The following COL13A1 variants were observed in gnomAD, a reference collection of about 807,000 sequenced individuals.
COL13A1 encodes collagen type XIII alpha 1 chain, also known as collagen alpha-1(XIII) chain.
A neutral mutation model predicts 130.9 loss-of-function variants in COL13A1; 89 were observed. The ratio of observed to expected loss-of-function variants is 0.68; its 90% CI spans 0.57 to 0.81. The LOEUF is 0.81. Ranked by LOEUF, COL13A1 falls within the 30% of genes least tolerant of loss-of-function variation. COL13A1 has a pLI of 0.00. For missense variants in COL13A1, 879 were observed against 934.6 expected, an observed-to-expected ratio of 0.94 and a Z score of 0.78; for synonymous variants, 402 against 341.6, an observed-to-expected ratio of 1.18 and a Z score of -1.95.
At chr10:69,810,646 T>C (rs1260605712) in intron 1 of COL13A1, among the ~76,000 whole-genome samples, 1 of 152,072 alleles carries the variant, frequency 6.6e-6, no homozygotes, top group Non-Finnish European at 1.5e-5. Context: ...TTGGGTTGGG[T>C]TCTGCCCCTC....
rs1335050547 is a variant in COL13A1 at position 69,875,113 on chromosome 10, C to A, written c.400-15C>A. ...TCCAACCACATCTGACTGTTTCTGC[C>A]TCCTTCATCATCAGGGGGACAAAGG... On this transcript the variant is annotated splice_polypyrimidine_tract_variant and intron_variant, in intron 4 of 40. Coordinates refer to ENST00000645393, the MANE Select transcript of COL13A1 (RefSeq NM_001368882.1). 1.2e-6 allele frequency: 2 copies of A among 1,613,994 alleles called. No individual in the cohort carries two copies. The highest frequency in any genetic ancestry group is 4.5e-5 in the East Asian group (2 of 44,888).
At chr10:69,848,391 G>T (rs1395703476) in intron 2 of COL13A1, among the ~76,000 whole-genome samples, 1 of 152,158 alleles carries the variant, frequency 6.6e-6, no homozygotes, top group Non-Finnish European at 1.5e-5. Flanking sequence ...CAACAACCTT[G>T]CAAACTGGTA....
intron 3 of COL13A1, among the ~76,000 whole-genome samples, chr10:69,868,298 A>AGGT (rs987015383): frequency 1.3e-5 from 2 of 151,094 alleles, no homozygotes; most frequent in African/African-American, 4.9e-5. Context: ...CACTTTGGGC[A>AGGT]GGTGGTGGTG....
chr10:69,895,207 G>C (rs1000374577), intron 12 of COL13A1, among the ~76,000 whole-genome samples: 15 of 152,332 alleles, frequency 9.8e-5, no homozygotes, highest in African/African-American at 3.6e-4. Context: ...GGTGGCTCCT[G>C]TTCAGGGCTG....
intron 2 of COL13A1, among the ~76,000 whole-genome samples, chr10:69,866,590 C>T (rs1481087025): frequency 1.3e-5 from 2 of 152,124 alleles, no homozygotes; most frequent in African/African-American, 2.4e-5. Flanking sequence ...TGCTCCCTCC[C>T]GCTTGTTCTG....
rs1061954 is a variant in COL13A1, at chr10:69,930,495, C to G, written c.1626C>G (p.His542Gln). ...GPPGVKGENG[H>Q]PGSPGEKGEK... is the part of the protein sequence containing the mutation. Reference sequence around the variant, plus strand: ...CAGGAGTGAAGGGAGAAAACGGGCACCCAGGGAGCCCAGGAGAGAAGGGGG... The same window carrying G: ...CAGGAGTGAAGGGAGAAAACGGGCAGCCAGGGAGCCCAGGAGAGAAGGGGG... Residue 542 changes from histidine to glutamine, a missense_variant, in exon 30 of 41, where the codon CAC becomes CAG. Around this residue, in one of 3 missense-constraint regions of COL13A1, gnomAD observed 715 missense variants for 721.0 expected, o/e 0.99. Transcript: ENST00000645393. 6.2e-7 allele frequency: 1 copy of G among 1,613,822 alleles called. No homozygotes were observed. The highest frequency in any genetic ancestry group is 8.5e-7 in the Non-Finnish European group (1 of 1,179,830).
intron 34 of COL13A1, among the ~76,000 whole-genome samples, chr10:69,938,990 A>G (rs553204531): frequency 4.0e-4 from 61 of 152,346 alleles, no homozygotes; most frequent in African/African-American, 1.4e-3. Flanking sequence ...GTTGAAATGC[A>G]AAAGGCACAG....
chr10:69,900,905 C>T lies in COL13A1; in HGVS notation c.751-1843C>T, dbSNP rs545621255. Among the ~76,000 whole-genome samples, 12 of 152,244 alleles carry T rather than the reference C, an allele frequency of 7.9e-5. No homozygotes were observed. In the South Asian group the frequency reaches 1.7e-3, roughly 21 times the overall value. The stretch of plus-strand genomic sequence containing the variant: ...CTCTTCTGTAACATAGGACTTGTGA[C>T]GTTATGAAGATTCTAGAATTTCACA... On this transcript the variant is annotated intron_variant, in intron 14 of 40. Coordinates refer to ENST00000645393, the MANE Select transcript of COL13A1 (RefSeq NM_001368882.1).
In COL13A1 at chr10:69,822,379, T is replaced by C. The variant is rs1193947990; in HGVS notation, c.305T>C (p.Leu102Pro). ...TGTCTCCTTGTACAGAAATGGAAGC[T>C]CCACTCAAGGAGGCGCCGGGAGGCC... ...VNQLLDEKWK[L>P]HSRRRREAPK... The change falls in exon 2 of 41, where the codon CTC becomes CCC. Residue 102 changes from leucine (L) to proline (P), a missense_variant. This residue lies in a region of COL13A1 where 715 missense variants were observed against 721.0 expected (regional missense o/e 0.99). Transcript: ENST00000645393. The C allele has an allele frequency of 6.3e-7, 1 of 1,586,072 alleles. No homozygotes were observed.
At chr10:69,810,700 G>A (rs1324835763) in intron 1 of COL13A1, among the ~76,000 whole-genome samples, 1 of 152,342 alleles carries the variant, frequency 6.6e-6, no homozygotes, top group Middle Eastern at 3.4e-3. Flanking sequence ...GAAATCAGCA[G>A]GCTTCTCCAA....
chr10:69,854,563 CA>C lies in COL13A1; in HGVS notation c.365-13224del, dbSNP rs33989837. Among the ~76,000 whole-genome samples, 1,150 of 147,242 alleles carry C rather than the reference CA, an allele frequency of 7.8e-3. 4 individuals are homozygous for C. Among genetic ancestry groups the C allele is most frequent in the Middle Eastern group, 0.048 (14 of 290 alleles). On this transcript the variant is annotated intron_variant, in intron 2 of 40. Coordinates refer to ENST00000645393, the MANE Select transcript of COL13A1 (RefSeq NM_001368882.1). ...CCTCCAGTCTTTTGAGACCCTGTCT[CA>C]AAAAAAAAAAGTGGTTCCTGTCATT... is the stretch of plus-strand genomic sequence containing the variant.
intron 17 of COL13A1, among the ~76,000 whole-genome samples, chr10:69,909,969 C>T (rs2063184672): frequency 6.6e-6 from 1 of 152,168 alleles, no homozygotes; most frequent in Non-Finnish European, 1.5e-5. Flanking sequence ...AATTTGAAAC[C>T]AGGCCTCATC....
At position 69,883,979 on chromosome 10, in the gene COL13A1, C is replaced by T. The variant is rs190689090; in HGVS notation, c.513+3426C>T. ...TTTTAGAGGTGGAATTGAAGGATTT[C>T]GTGATGATAAAAAATAAGGATTGAG... is the stretch of plus-strand genomic sequence containing the variant. On this transcript the variant is annotated intron_variant, in intron 7 of 40. Coordinates refer to ENST00000645393, the MANE Select transcript of COL13A1 (RefSeq NM_001368882.1). Among the ~76,000 whole-genome samples the T allele has an allele frequency of 5.3e-5, 8 of 152,154 alleles. No individual in the cohort carries two copies. The East Asian group carries it at 7.7e-4, about 15-fold the overall frequency.
At chr10:69,940,201 G>T (rs2067437141) in intron 34 of COL13A1, among the ~76,000 whole-genome samples, 1 of 148,256 alleles carries the variant, frequency 6.7e-6, no homozygotes, top group African/African-American at 2.5e-5. Context: ...GCTGATAGCA[G>T]GTTGGTCTCA....
chr10:69,853,143 C>G (rs1855438707), intron 2 of COL13A1, among the ~76,000 whole-genome samples: 1 of 152,238 alleles, frequency 6.6e-6, no homozygotes, highest in South Asian at 2.1e-4. Context: ...AAAGCATCTT[C>G]TCTTAATTAA....
At chr10:69,839,589 G>T (rs1851037782) in intron 2 of COL13A1, among the ~76,000 whole-genome samples, 1 of 152,234 alleles carries the variant, frequency 6.6e-6, no homozygotes, top group African/African-American at 2.4e-5. Flanking sequence ...CATGAGAAGT[G>T]CTGTGCCTGA....
At chr10:69,877,747 G>T in intron 5 of COL13A1, 9 of 263,032 alleles carry the variant, frequency 3.4e-5, no homozygotes, top group East Asian at 9.5e-5. Flanking sequence ...ACACACACAC[G>T]TACGTGCCTC....
intron 6 of COL13A1, among the ~76,000 whole-genome samples, chr10:69,879,884 A>G (rs559483504): frequency 4.1e-4 from 62 of 152,246 alleles, no homozygotes; most frequent in Non-Finnish European, 6.9e-4. Context: ...GGACTAGGGA[A>G]TTTGAGGCAG....
At chr10:69,933,502 G>A (rs1225843918) in intron 31 of COL13A1, among the ~76,000 whole-genome samples, 3 of 152,140 alleles carry the variant, frequency 2.0e-5, no homozygotes, top group Admixed American at 1.3e-4. Flanking sequence ...TGAGAGACAG[G>A]ATGTTTGGTG....
Sources: gnomAD v4.1 joint callset for allele counts (sites outside exome capture counted in the v4.1 genomes callset) on GRCh38, gnomAD v4.1.1 for gene constraint, gnomAD v4.1.1 regional missense constraint, MANE v1.5 for transcripts, NCBI Gene and HGNC (gene_info 2026-07-23, HGNC 2026-07-21) for gene names.